KITLG: variants seen among roughly 807,000 people sequenced by gnomAD.
The protein encoded by KITLG is c-Kit ligand.
A neutral mutation model predicts 34.1 loss-of-function variants in KITLG; 13 were observed. The ratio of observed to expected loss-of-function variants is 0.38; its 90% CI spans 0.25 to 0.61. The LOEUF is 0.61. KITLG is among the 20% of genes least tolerant of loss of function. The pLI is 0.60. For synonymous variants in KITLG, 110 were observed against 104.0 expected (o/e 1.06, Z -0.35); for missense variants, 292 against 318.9 (o/e 0.92, Z 0.64).
At chr12:88,520,751 G>A (rs1041067236) in intron 3 of KITLG, among the ~76,000 whole-genome samples, 2 of 151,948 alleles carry the variant, frequency 1.3e-5, no homozygotes, top group African/African-American at 2.4e-5. Flanking sequence ...GGAATTCTGG[G>A]GTACTTACTG....
chr12:88,538,825 G>A (rs892490354), intron 2 of KITLG, among the ~76,000 whole-genome samples: 1 of 152,134 alleles, frequency 6.6e-6, no homozygotes, highest in Non-Finnish European at 1.5e-5. Flanking sequence ...ATGAGCTCTG[G>A]TTTGGAGTGC....
intron 1 of KITLG, among the ~76,000 whole-genome samples, chr12:88,559,248 A>G (rs930399701): frequency 1.3e-5 from 2 of 152,178 alleles, no homozygotes; most frequent in African/African-American, 2.4e-5. Flanking sequence ...TGTAGATGGG[A>G]CTTCGGTTCT....
intron 2 of KITLG, among the ~76,000 whole-genome samples, chr12:88,539,968 T>G (rs924793502): frequency 6.6e-6 from 1 of 152,030 alleles, no homozygotes; most frequent in Non-Finnish European, 1.5e-5. Flanking sequence ...AAGGTCATCG[T>G]TCCTCAGTAA....
At chr12:88,509,043 A>G (rs1869177825) in intron 6 of KITLG, among the ~76,000 whole-genome samples, 2 of 152,140 alleles carry the variant, frequency 1.3e-5, no homozygotes, top group African/African-American at 4.8e-5. Flanking sequence ...TGTGGCCCCC[A>G]TTATCTATTG....
chr12:88,506,472 A>G (rs1219919573), intron 7 of KITLG, 94 bp from the exon 8 acceptor site: 10 of 844,364 alleles, frequency 1.2e-5, no homozygotes, highest in Admixed American at 1.8e-5. Context: ...TTTTATGGCA[A>G]TAACTCCAAT....
intron 9 of KITLG, among the ~76,000 whole-genome samples, chr12:88,498,866 T>A (rs921514107): frequency 6.6e-6 from 1 of 152,114 alleles, no homozygotes; most frequent in Middle Eastern, 3.4e-3. Flanking sequence ...AGAGCAAGAC[T>A]CTTAAGAAAG....
At chr12:88,497,544 T>C (rs1033418253) in intron 9 of KITLG, among the ~76,000 whole-genome samples, 1 of 152,210 alleles carries the variant, frequency 6.6e-6, no homozygotes. Flanking sequence ...TTTCACCCTG[T>C]GACTTTCATA....
chr12:88,574,514 C>G (rs1166044272), intron 1 of KITLG, among the ~76,000 whole-genome samples: 2 of 152,138 alleles, frequency 1.3e-5, no homozygotes, highest in Non-Finnish European at 2.9e-5. Context: ...AGCCTCTCAT[C>G]TTCACTATCT....
intron 2 of KITLG, among the ~76,000 whole-genome samples, chr12:88,542,147 G>A (rs1185763725): frequency 1.3e-5 from 2 of 152,058 alleles, no homozygotes; most frequent in African/African-American, 4.8e-5. Context: ...ACATCATTAT[G>A]GAATAAAATA....
intron 1 of KITLG, among the ~76,000 whole-genome samples, chr12:88,564,507 C>A (rs894570303): frequency 6.6e-6 from 1 of 152,122 alleles, no homozygotes; most frequent in Non-Finnish European, 1.5e-5. Flanking sequence ...AGATGTACTT[C>A]GGCTGCTGTA....
chr12:88,512,011 A>G (rs1400122554), intron 6 of KITLG, among the ~76,000 whole-genome samples: 12 of 152,202 alleles, frequency 7.9e-5, no homozygotes, highest in Admixed American at 7.9e-4. Context: ...ATATTAAACA[A>G]TCACTAACCA....
At position 88,556,307 on chromosome 12, in the gene KITLG, AC is replaced by A. The variant is rs559780536; in HGVS notation, c.16-10443del. 6.0e-3 allele frequency among the ~76,000 whole-genome samples: 902 copies of A among 151,400 alleles called. 5 individuals are homozygous for A. Among genetic ancestry groups the A allele is most frequent in the Non-Finnish European group, 0.01 (689 of 67,956 alleles). The stretch of plus-strand genomic sequence containing the variant: ...ATTTCATTTTAAAAGCACTGGGGAG[AC>A]CTGGAATGATTTTAAGCAAGGGAGT... On this transcript the variant is annotated intron_variant, in intron 1 of 9. Coordinates refer to ENST00000644744, the MANE Select transcript of KITLG (RefSeq NM_000899.5).
At chr12:88,577,140 TA>T (rs1381033661) in intron 1 of KITLG, among the ~76,000 whole-genome samples, 2 of 152,082 alleles carry the variant, frequency 1.3e-5, no homozygotes, top group Non-Finnish European at 2.9e-5. Flanking sequence ...AGGACAAGAC[TA>T]AAAAAATGCT....
At chr12:88,501,834 T>G (rs889196688) in intron 9 of KITLG, among the ~76,000 whole-genome samples, 2 of 152,206 alleles carry the variant, frequency 1.3e-5, no homozygotes, top group Non-Finnish European at 2.9e-5. Context: ...ATCTTTCCAT[T>G]AATTTATTCA....
intron 1 of KITLG, among the ~76,000 whole-genome samples, chr12:88,569,215 T>C (rs1871560181): frequency 6.6e-6 from 1 of 152,170 alleles, no homozygotes; most frequent in East Asian, 1.9e-4. Flanking sequence ...AGCCACCACA[T>C]ATTGGTGCCG....
At chr12:88,528,527 TA>T (rs557422973) in intron 3 of KITLG, among the ~76,000 whole-genome samples, 65 of 152,236 alleles carry the variant, frequency 4.3e-4, no homozygotes, top group African/African-American at 1.4e-3. Context: ...ACAAAAAAGC[TA>T]AATTGAAATG....
At chr12:88,523,979 G>A (rs1869773196) in intron 3 of KITLG, among the ~76,000 whole-genome samples, 1 of 152,184 alleles carries the variant, frequency 6.6e-6, no homozygotes. Flanking sequence ...ATGGCCCCTA[G>A]GCCCGCCCTA....
At chr12:88,568,051 C>T (rs765999457) in intron 1 of KITLG, among the ~76,000 whole-genome samples, 2 of 152,094 alleles carry the variant, frequency 1.3e-5, no homozygotes, top group Non-Finnish European at 2.9e-5. Flanking sequence ...AATACAACAA[C>T]ACTAGGCCTC....
At position 88,521,523 on chromosome 12, in the gene KITLG, T is replaced by C. The variant is rs546879806; in HGVS notation, c.193-2656A>G. Among the ~76,000 whole-genome samples, 6 of 152,302 alleles carry C rather than the reference T, an allele frequency of 3.9e-5. No homozygotes were observed. In the East Asian group the frequency reaches 1.2e-3, roughly 29 times the overall value. On this transcript the variant is annotated intron_variant, in intron 3 of 9. Transcript: ENST00000644744. ...ATCACTGTTTCTTATTTTTCAGAGA[T>C]ATTTTAAACTTAAATAGTTTTATAT...
Sources: allele counts gnomAD v4.1 joint callset (sites outside exome capture counted in the v4.1 genomes callset), GRCh38; gene constraint gnomAD v4.1.1; transcripts MANE v1.5; gene names NCBI Gene and HGNC (gene_info 2026-07-23, HGNC 2026-07-21).